ACKR5: variants seen among roughly 807,000 people sequenced by gnomAD.
ACKR5 encodes the protein G protein-coupled receptor 182.
At chr12:56,996,213 T>C in the ACKR5 span, 2 of 1,614,144 alleles carry the variant, frequency 1.2e-6, no homozygotes, top group South Asian at 1.1e-5. Flanking sequence ...CTGAATGCTG[T>C]AGTCCATTAC....
At chr12:56,995,502 C>T in the ACKR5 span, 16 of 1,614,028 alleles carry the variant, frequency 9.9e-6, no homozygotes, top group South Asian at 5.5e-5. The surrounding 1 kb of genome is among the most constrained non-coding windows in gnomAD (Gnocchi z 4.7). Context: ...ATGGCCATCG[C>T]GGACCTGGGC....
At chr12:56,997,643 C>T in the ACKR5 span, 9 of 152,212 alleles carry the variant, frequency 5.9e-5, no homozygotes, top group South Asian at 2.1e-4. Context: ...GATCTAGTTT[C>T]CGCCTTCCAA....
At chr12:56,997,628 A>G in the ACKR5 span, 1 of 152,238 alleles carries the variant, frequency 6.6e-6, no homozygotes, top group Non-Finnish European at 1.5e-5. Context: ...AAGGCCTAAG[A>G]ACAGGATCTA....
chr12:56,995,124 G>A, the ACKR5 span: 34 of 1,254,788 alleles, frequency 2.7e-5, no homozygotes, highest in Non-Finnish European at 3.6e-5. The surrounding 1 kb of genome is among the most constrained non-coding windows in gnomAD (Gnocchi z 4.7). Flanking sequence ...GACTCCCTCT[G>A]GCCTCTACCT....
the ACKR5 span, chr12:56,995,330 T>C: frequency 6.2e-7 from 1 of 1,614,200 alleles, no homozygotes; most frequent in Non-Finnish European, 8.5e-7. This position sits in a 1 kb window ranked among gnomAD's most constrained non-coding sequence, Gnocchi z 4.7. Context: ...CCACACTTTG[T>C]CTGAGTGCCA....
chr12:56,996,679 C>A, the ACKR5 span: 1 of 439,312 alleles, frequency 2.3e-6, no homozygotes, highest in South Asian at 5.5e-5. Flanking sequence ...GAAGAGATAG[C>A]CATGGACTCT....
the ACKR5 span, chr12:56,996,625 C>T: frequency 1.9e-6 from 1 of 526,102 alleles, no homozygotes; most frequent in South Asian, 3.9e-5. Context: ...TTGTCTCGGT[C>T]CTTGTGTCTA....
At chr12:56,995,661 G>A in the ACKR5 span, 5 of 1,613,722 alleles carry the variant, frequency 3.1e-6, no homozygotes, top group Admixed American at 1.7e-5. The surrounding 1 kb of genome is among the most constrained non-coding windows in gnomAD (Gnocchi z 4.7). Context: ...AGTGTCGACC[G>A]CTATGTCACC....
At chr12:56,996,556 GT>G in the ACKR5 span, 4 of 761,104 alleles carry the variant, frequency 5.3e-6, no homozygotes, top group Non-Finnish European at 6.4e-6. Flanking sequence ...AAATACTGAG[GT>G]GTGGAGAGAG....
chr12:56,996,535 A>C, the ACKR5 span: 1 of 933,312 alleles, frequency 1.1e-6, no homozygotes, highest in East Asian at 2.6e-5. Context: ...GTCAATTTTG[A>C]ATCTATCTTA....
the ACKR5 span, chr12:56,995,743 G>A: frequency 6.2e-7 from 1 of 1,613,846 alleles, no homozygotes; most frequent in Non-Finnish European, 8.5e-7. The surrounding 1 kb of genome is among the most constrained non-coding windows in gnomAD (Gnocchi z 4.7). Context: ...CAGGCATCTG[G>A]GTCCTCTCGG....
chr12:56,998,703 G>A, the ACKR5 span: 1 of 152,548 alleles, frequency 6.6e-6, no homozygotes, highest in African/African-American at 2.4e-5. Context: ...CCAGCTACAG[G>A]AAAGGAAAAT....
the ACKR5 span, chr12:56,997,029 CA>C: frequency 6.6e-6 from 1 of 152,336 alleles, no homozygotes; most frequent in Non-Finnish European, 1.5e-5. Context: ...CTGCACCCTG[CA>C]GCTGGGTCAG....
chr12:56,995,331 C>G, the ACKR5 span: 2 of 1,614,220 alleles, frequency 1.2e-6, no homozygotes, highest in Non-Finnish European at 1.7e-6. The surrounding 1 kb of genome is among the most constrained non-coding windows in gnomAD (Gnocchi z 4.7). Flanking sequence ...CACACTTTGT[C>G]TGAGTGCCAC....
At chr12:56,995,203 G>A in the ACKR5 span, 4 of 1,610,038 alleles carry the variant, frequency 2.5e-6, no homozygotes, top group Admixed American at 6.7e-5. The surrounding 1 kb of genome is among the most constrained non-coding windows in gnomAD (Gnocchi z 4.7). Flanking sequence ...GGCGTGTGCT[G>A]GTCCCAATGT....
At chr12:56,996,855 T>A in the ACKR5 span, 1 of 163,738 alleles carries the variant, frequency 6.1e-6, no homozygotes, top group Non-Finnish European at 1.3e-5. Flanking sequence ...TGTGAGCTTG[T>A]TGATCTTCCA....
the ACKR5 span, chr12:56,996,054 C>A: frequency 6.2e-7 from 1 of 1,611,940 alleles, no homozygotes; most frequent in African/African-American, 1.3e-5. Flanking sequence ...CTGCTGCTCA[C>A]ACTGCATGGG....
the ACKR5 span, chr12:56,995,825 G>T: frequency 6.2e-7 from 1 of 1,614,028 alleles, no homozygotes; most frequent in East Asian, 2.2e-5. The surrounding 1 kb of genome is among the most constrained non-coding windows in gnomAD (Gnocchi z 4.7). Context: ...CCTCTTCATG[G>T]CACCTTTTGA....
chr12:56,995,271 G>A, the ACKR5 span: 3 of 1,614,148 alleles, frequency 1.9e-6, no homozygotes, highest in Non-Finnish European at 2.5e-6. The surrounding 1 kb of genome is among the most constrained non-coding windows in gnomAD (Gnocchi z 4.7). Flanking sequence ...GTGCCTACCA[G>A]TGACCTTGGA....
Sources: gnomAD v4.1 joint callset for allele counts on GRCh38, gnomAD v4.1.1 for gene constraint, Gnocchi (gnomAD v3.1) non-coding constraint, MANE v1.5 for transcripts, NCBI Gene and HGNC (gene_info 2026-07-23, HGNC 2026-07-21) for gene names.